Variants in FHL2 observed in about 807,000 individuals in gnomAD.
The protein encoded by FHL2 is four and a half LIM domains 2.
In FHL2, 20 loss-of-function variants were observed where a neutral mutation model predicts 32.7. The ratio of observed to expected loss-of-function variants is 0.61; its 90% CI spans 0.43 to 0.89. FHL2 has a LOEUF of 0.89. FHL2 is among the 40% of genes least tolerant of loss of function. The probability of loss-of-function intolerance (pLI) is 0.00; values close to 1 mark genes in which losing one functional copy is unlikely to be tolerated. For synonymous variants in FHL2, 123 were observed against 128.1 expected (o/e 0.96, Z 0.27); for missense variants, 311 against 358.6 (o/e 0.87, Z 1.07).
At chr2:105,358,698 C>T (rs1379789880), downstream of FHL2, 2 of 152,212 alleles carry the variant, frequency 1.3e-5, no homozygotes, top group African/African-American at 4.8e-5. Flanking sequence ...GGTTTATATA[C>T]AAGTAATTTC....
intron 1 of FHL2, among the ~76,000 whole-genome samples, chr2:105,430,580 A>T (rs746022169): frequency 2.0e-5 from 3 of 152,200 alleles, no homozygotes; most frequent in Non-Finnish European, 4.4e-5. Context: ...AGCCATGAGA[A>T]TCGCTTGACC....
chr2:105,358,714 G>GT (rs1237672491), downstream of FHL2: 2 of 152,214 alleles, frequency 1.3e-5, no homozygotes, highest in Admixed American at 6.5e-5. Context: ...ATTTCCTTCA[G>GT]TAGGAAGAGG....
Position 105,380,130 on chromosome 2 carries a change from C to T in FHL2, c.156+6231G>A, listed in dbSNP as rs377254435. Among the ~76,000 whole-genome samples, 6 of 152,280 alleles carry T rather than the reference C, an allele frequency of 3.9e-5. No homozygotes were observed. In the East Asian group the frequency reaches 7.7e-4, roughly 20 times the overall value. ...ATGATAAGAGGAAGGTAACTCAATA[C>T]TGCCAGGTTTGATTGTTTTAGAGAT... On this transcript the variant is annotated intron_variant, in intron 3 of 6. Transcript: ENST00000530340.
rs1240780432 is a variant in FHL2 at position 105,370,102 on chromosome 2, G to T, written c.332-2363C>A. Among the ~76,000 whole-genome samples the T allele has an allele frequency of 2.0e-5, 3 of 152,198 alleles. No homozygotes were observed. The South Asian group carries it at 6.2e-4, about 32-fold the overall frequency. ...CAAATAGTCAAATGAGGCTGGCTGC[G>T]GTGCCTCAGCCTTGTAATCCCAGCA... On this transcript the variant is annotated intron_variant, in intron 4 of 6. Coordinates refer to ENST00000530340, the MANE Select transcript of FHL2 (RefSeq NM_001318895.3).
chr2:105,389,462 C>G (rs1486611985), intron 2 of FHL2, among the ~76,000 whole-genome samples: 1 of 152,192 alleles, frequency 6.6e-6, no homozygotes, highest in South Asian at 2.1e-4. Flanking sequence ...AAGAGGCTCA[C>G]TGCCCATTCC....
chr2:105,419,174 C>T (rs1365897154), intron 1 of FHL2, among the ~76,000 whole-genome samples: 2 of 152,144 alleles, frequency 1.3e-5, no homozygotes, highest in African/African-American at 4.8e-5. Flanking sequence ...ATATGTCACA[C>T]CAGAATATGC....
upstream of FHL2, chr2:105,399,627 T>G: frequency 2.6e-6 from 4 of 1,514,148 alleles, no homozygotes; most frequent in Non-Finnish European, 3.5e-6. Flanking sequence ...GAAGACTAGT[T>G]AGACATCTTG....
At chr2:105,412,791 C>A (rs568191006) in intron 1 of FHL2, among the ~76,000 whole-genome samples, 8 of 152,242 alleles carry the variant, frequency 5.3e-5, no homozygotes, top group Middle Eastern at 3.4e-3. Flanking sequence ...AGCCGAGGAG[C>A]AGTGGCCAGG....
chr2:105,432,182 T>G (rs1319391586), intron 1 of FHL2, among the ~76,000 whole-genome samples: 1 of 152,206 alleles, frequency 6.6e-6, no homozygotes, highest in African/African-American at 2.4e-5. Context: ...CTCCCCTCAC[T>G]TGGATGATCG....
intron 1 of FHL2, 43 bp from the exon 2 acceptor site, chr2:105,396,740 G>A (rs755440305): frequency 1.9e-6 from 3 of 1,587,998 alleles, no homozygotes; most frequent in Non-Finnish European, 2.6e-6. Flanking sequence ...GTCATCTTGA[G>A]GAAGCGAACT....
At chr2:105,400,023 G>A (rs1182667855), upstream of FHL2, among the ~76,000 whole-genome samples, 1 of 152,072 alleles carries the variant, frequency 6.6e-6, no homozygotes, top group Non-Finnish European at 1.5e-5. Context: ...AGGCCTCATG[G>A]GTCTCCATCA....
At chr2:105,435,840 TAAAC>T (rs772422982) in intron 1 of FHL2, among the ~76,000 whole-genome samples, 14 of 152,066 alleles carry the variant, frequency 9.2e-5, no homozygotes, top group Non-Finnish European at 1.3e-4. Flanking sequence ...AATAAATAAA[TAAAC>T]AAACAAACAA....
chr2:105,419,689 C>T (rs1684041532), intron 1 of FHL2, among the ~76,000 whole-genome samples: 2 of 152,192 alleles, frequency 1.3e-5, no homozygotes, highest in Admixed American at 6.5e-5. Context: ...AAATTTATCA[C>T]CCTTTGTTAA....
chr2:105,393,321 C>G (rs1264951839), intron 2 of FHL2, among the ~76,000 whole-genome samples: 1 of 152,118 alleles, frequency 6.6e-6, no homozygotes, highest in African/African-American at 2.4e-5. Flanking sequence ...TCCCCAAGCC[C>G]TTCCTGCATG....
intron 4 of FHL2, among the ~76,000 whole-genome samples, chr2:105,372,489 T>G (rs1681151836): frequency 1.3e-5 from 2 of 152,164 alleles, no homozygotes; most frequent in Non-Finnish European, 2.9e-5. Flanking sequence ...CCTTGCAAAG[T>G]GCTGGGATTA....
intron 3 of FHL2, among the ~76,000 whole-genome samples, chr2:105,381,527 T>C (rs1012278715): frequency 1.3e-5 from 2 of 152,156 alleles, no homozygotes; most frequent in African/African-American, 2.4e-5. Flanking sequence ...TGCTGAGCGC[T>C]GTGCACCTCT....
chr2:105,361,080 G>T lies in FHL2; in HGVS notation c.*203C>A. 4.3e-6 allele frequency: 2 copies of T among 463,846 alleles called. No homozygotes were observed. Among genetic ancestry groups the T allele is most frequent in the Non-Finnish European group, 3.8e-6 (1 of 266,478 alleles). 28.7% of individuals were successfully genotyped at this position (463,846 alleles called of 1,614,324 possible). A position where few individuals can be genotyped will look rare whatever the true frequency, so the allele number is the denominator to read the frequency against. ...ATTTCAAACCATCTTCCCACCTAGG[G>T]CCTAGGGCGAGTTTTCTCTTTCCCT... On this transcript the variant is annotated 3_prime_UTR_variant, in exon 7 of 7. Coordinates refer to ENST00000530340, the MANE Select transcript of FHL2 (RefSeq NM_001318895.3).
At chr2:105,384,569 A>G (rs10203044) in intron 3 of FHL2, among the ~76,000 whole-genome samples, 7,133 of 152,174 alleles carry the variant, frequency 0.047, 504 homozygotes, top group African/African-American at 0.16. Context: ...GTGCAGTGGC[A>G]TGATCTCGGC....
upstream of FHL2, chr2:105,399,056 C>A: frequency 6.7e-7 from 1 of 1,495,534 alleles, no homozygotes; most frequent in Non-Finnish European, 8.9e-7. Flanking sequence ...CCGAGTGGAG[C>A]GCTGCGCAGC....
Sources: allele counts gnomAD v4.1 joint callset (sites outside exome capture counted in the v4.1 genomes callset), GRCh38; gene constraint gnomAD v4.1.1; transcripts MANE v1.5; gene names NCBI Gene and HGNC (gene_info 2026-07-23, HGNC 2026-07-21).